TMEM200A: variants seen among roughly 807,000 people sequenced by gnomAD.
TMEM200A encodes the protein two transmembrane C.
Under a neutral mutation model 24.3 loss-of-function variants are expected in TMEM200A, and 12 were observed. The observed-to-expected ratio is 0.49, with a 90% CI of 0.32 to 0.80. TMEM200A has a LOEUF of 0.80. Ranked by LOEUF, TMEM200A falls within the 30% of genes least tolerant of loss-of-function variation. The pLI, the probability that TMEM200A is intolerant of heterozygous loss-of-function variation, is 0.04. For missense variants in TMEM200A, 545 were observed against 614.4 expected, an observed-to-expected ratio of 0.89 and a Z score of 1.19; for synonymous variants, 224 against 224.4, an observed-to-expected ratio of 1.00 and a Z score of 0.02.
chr6:130,400,860 G>A lies in TMEM200A; in HGVS notation c.-17+15624G>A, dbSNP rs141777067. 2.8e-4 allele frequency among the ~76,000 whole-genome samples: 43 copies of A among 152,128 alleles called. No homozygotes were observed. In the East Asian group the frequency reaches 8.3e-3, roughly 29 times the overall value. On this transcript the variant is annotated intron_variant, in intron 2 of 2. Coordinates refer to ENST00000296978, the MANE Select transcript of TMEM200A (RefSeq NM_001258277.2). ...TCTAGGGTTCCAAGTCCAACCCCCT[G>A]CTTTGTGTTCCTTTTCATCACACCA...
chr6:130,365,649 A>G, upstream of TMEM200A: 1 of 985,430 alleles, frequency 1.0e-6, no homozygotes. Context: ...CGGTAGCTAG[A>G]GGCGGGCCCC....
intron 1 of TMEM200A, among the ~76,000 whole-genome samples, chr6:130,380,312 A>G (rs1583177253): frequency 6.6e-6 from 1 of 152,216 alleles, no homozygotes; most frequent in Non-Finnish European, 1.5e-5. Flanking sequence ...GCTGCCTTCC[A>G]GTTTAGTAGG....
At chr6:130,426,266 C>T (rs1779736183) in intron 2 of TMEM200A, among the ~76,000 whole-genome samples, 1 of 152,140 alleles carries the variant, frequency 6.6e-6, no homozygotes, top group African/African-American at 2.4e-5. Context: ...AACAGACCCT[C>T]GCCCACTGGG....
chr6:130,370,853 C>A (rs752782988), intron 1 of TMEM200A, among the ~76,000 whole-genome samples: 2 of 152,114 alleles, frequency 1.3e-5, no homozygotes, highest in African/African-American at 4.8e-5. Flanking sequence ...AGATTGGATA[C>A]CCCCTACTTT....
chr6:130,441,281 G>A lies in TMEM200A; in HGVS notation c.859G>A (p.Ala287Thr), dbSNP rs1313308795. Reference protein sequence around the residue: ...TKSIVSSSISAFTLPVIKLNN... With the variant: ...TKSIVSSSISTFTLPVIKLNN... Reference sequence around the variant, plus strand: ...GTCAATTGTGTCATCGTCCATCAGTGCTTTTACATTGCCTGTGATCAAACT... The same window carrying A: ...GTCAATTGTGTCATCGTCCATCAGTACTTTTACATTGCCTGTGATCAAACT... The change falls in exon 3 of 3, where the codon GCT becomes ACT. Residue 287 changes from alanine (A) to threonine (T), a missense_variant. Coordinates refer to ENST00000296978, the MANE Select transcript of TMEM200A (RefSeq NM_001258277.2). 6.2e-7 allele frequency: 1 copy of A among 1,614,124 alleles called. No homozygotes were observed. The highest frequency in any genetic ancestry group is 1.1e-5 in the South Asian group (1 of 91,074).
chr6:130,405,912 C>A (rs1298873654), intron 2 of TMEM200A, among the ~76,000 whole-genome samples: 2 of 152,180 alleles, frequency 1.3e-5, no homozygotes, highest in African/African-American at 4.8e-5. Flanking sequence ...ACATATGACC[C>A]TGCCCATGTT....
At chr6:130,419,212 C>T (rs965121985) in intron 2 of TMEM200A, among the ~76,000 whole-genome samples, 8 of 152,226 alleles carry the variant, frequency 5.3e-5, no homozygotes, top group Admixed American at 5.2e-4. Context: ...AACATAATGA[C>T]CTCCAGTCCC....
intron 2 of TMEM200A, among the ~76,000 whole-genome samples, chr6:130,436,485 CAAAAAA>C (rs11462643): frequency 8.7e-6 from 1 of 114,826 alleles, no homozygotes. Context: ...CAGCATTGAC[CAAAAAA>C]AAAAAAAAAG....
At position 130,442,039 on chromosome 6, in the gene TMEM200A, G is replaced by C. The variant is rs967093068; in HGVS notation, c.*141G>C. 4 of 789,212 alleles carry C rather than the reference G, an allele frequency of 5.1e-6. No homozygotes were observed. In the African/African-American group the frequency reaches 7.0e-5, roughly 14 times the overall value. 48.9% of individuals were successfully genotyped at this position (789,212 alleles called of 1,614,324 possible). On this transcript the variant is annotated 3_prime_UTR_variant, in exon 3 of 3. Transcript: ENST00000296978. ...AGAATTGGCTGCTTAGTTCTGTAAT[G>C]AAGATGGTTGTATGTTTGGGTTACT...
intron 2 of TMEM200A, among the ~76,000 whole-genome samples, chr6:130,400,784 G>A (rs1009497039): frequency 6.6e-6 from 1 of 151,964 alleles, no homozygotes; most frequent in African/African-American, 2.4e-5. Context: ...AGTGACTGAA[G>A]TTTTCTTGCC....
chr6:130,406,896 T>C (rs1003695838), intron 2 of TMEM200A, among the ~76,000 whole-genome samples: 1 of 152,206 alleles, frequency 6.6e-6, no homozygotes, highest in Non-Finnish European at 1.5e-5. Context: ...GGCTGATCTC[T>C]CCACGTTTTT....
intron 2 of TMEM200A, among the ~76,000 whole-genome samples, chr6:130,426,654 A>G (rs926496355): frequency 7.9e-5 from 12 of 152,292 alleles, no homozygotes; most frequent in Non-Finnish European, 1.8e-4. Context: ...AGGTAGGTAG[A>G]CATAAACACA....
At chr6:130,396,671 AAG>A (rs753238999) in intron 2 of TMEM200A, among the ~76,000 whole-genome samples, 3 of 152,146 alleles carry the variant, frequency 2.0e-5, no homozygotes, top group Non-Finnish European at 4.4e-5. Flanking sequence ...TATTTTTAAA[AAG>A]TGAAATCACT....
intron 1 of TMEM200A, among the ~76,000 whole-genome samples, chr6:130,375,293 C>T (rs1345265440): frequency 2.0e-5 from 3 of 152,110 alleles, no homozygotes; most frequent in African/African-American, 7.2e-5. Flanking sequence ...ACAACAATAA[C>T]GCAGAACACT....
At chr6:130,368,048 A>C (rs1778226958) in intron 1 of TMEM200A, among the ~76,000 whole-genome samples, 1 of 152,228 alleles carries the variant, frequency 6.6e-6, no homozygotes, top group Non-Finnish European at 1.5e-5. Flanking sequence ...AGACACCCGT[A>C]ATCAGAAGGG....
At chr6:130,424,150 T>A (rs757060124) in intron 2 of TMEM200A, among the ~76,000 whole-genome samples, 19 of 152,120 alleles carry the variant, frequency 1.2e-4, no homozygotes, top group Non-Finnish European at 2.4e-4. Flanking sequence ...TGCTTCCTTC[T>A]CCTAATCCTT....
intron 1 of TMEM200A, among the ~76,000 whole-genome samples, chr6:130,382,666 T>A (rs1778627709): frequency 6.6e-6 from 1 of 151,860 alleles, no homozygotes; most frequent in Admixed American, 6.6e-5. Context: ...GAGTGGAGAG[T>A]GGAACATGAA....
chr6:130,377,815 T>G (rs548061001), intron 1 of TMEM200A, among the ~76,000 whole-genome samples: 1 of 152,096 alleles, frequency 6.6e-6, no homozygotes, highest in Non-Finnish European at 1.5e-5. Context: ...AGACAATACA[T>G]GTATAATTTG....
intron 1 of TMEM200A, chr6:130,382,937 G>A (rs2115092922): frequency 1.4e-6 from 1 of 697,588 alleles, no homozygotes; most frequent in Non-Finnish European, 1.8e-6. Context: ...CTGTGGCCTG[G>A]TTCCTCGAGG....
Sources: allele counts gnomAD v4.1 joint callset (sites outside exome capture counted in the v4.1 genomes callset), GRCh38; gene constraint gnomAD v4.1.1; transcripts MANE v1.5; gene names NCBI Gene and HGNC (gene_info 2026-07-23, HGNC 2026-07-21).